Variants in GRID1 observed in about 807,000 individuals in gnomAD.
GRID1 encodes the protein glutamate receptor ionotropic, delta-1.
Under a neutral mutation model 98.0 loss-of-function variants are expected in GRID1, and 28 were observed. The ratio of observed to expected loss-of-function variants is 0.29; its 90% confidence interval spans 0.21 to 0.39. The LOEUF is 0.39. GRID1 is among the 10% of genes least tolerant of loss of function. GRID1 has a pLI of 1.00. For synonymous variants in GRID1, 553 were observed against 538.5 expected, an observed-to-expected ratio of 1.03 and a Z score of -0.37; for missense variants, 1,111 against 1,340.5, an observed-to-expected ratio of 0.83 and a Z score of 2.67.
intron 4 of GRID1, among the ~76,000 whole-genome samples, chr10:86,001,777 G>A (rs1392691769): frequency 2.0e-5 from 3 of 152,084 alleles, no homozygotes; most frequent in Non-Finnish European, 4.4e-5. Flanking sequence ...TGCTATGGCT[G>A]CTCTAACAAA....
chr10:85,734,865 A>AT (rs151169938), intron 8 of GRID1, among the ~76,000 whole-genome samples: 229 of 152,176 alleles, frequency 1.5e-3, no homozygotes, highest in African/African-American at 5.2e-3. Flanking sequence ...ATCCAGTGGA[A>AT]TTTTTTTTAT....
chr10:85,819,255 G>A (rs910059923), intron 8 of GRID1, among the ~76,000 whole-genome samples: 4 of 152,116 alleles, frequency 2.6e-5, no homozygotes, highest in Non-Finnish European at 5.9e-5. Context: ...AAATTAGTGG[G>A]AAAAAATTAA....
At chr10:85,840,970 C>A (rs563287747) in intron 8 of GRID1, among the ~76,000 whole-genome samples, 1 of 152,150 alleles carries the variant, frequency 6.6e-6, no homozygotes, top group Non-Finnish European at 1.5e-5. Flanking sequence ...AGATTCTTCA[C>A]AGAACTAGAA....
chr10:85,691,045 A>G (rs1462407658), intron 12 of GRID1, among the ~76,000 whole-genome samples: 2 of 152,236 alleles, frequency 1.3e-5, no homozygotes, highest in Non-Finnish European at 2.9e-5. Flanking sequence ...ATTAATTGAC[A>G]TAATCCACCA....
At chr10:85,887,321 T>C (rs889667276) in intron 5 of GRID1, among the ~76,000 whole-genome samples, 13 of 152,216 alleles carry the variant, frequency 8.5e-5, no homozygotes, top group African/African-American at 2.4e-4. Context: ...AAGGGGCATC[T>C]TCTGAGTAGT....
chr10:85,666,114 T>C (rs1314043758), intron 12 of GRID1, among the ~76,000 whole-genome samples: 1 of 152,236 alleles, frequency 6.6e-6, no homozygotes, highest in Non-Finnish European at 1.5e-5. Context: ...TCCTCTGATA[T>C]GGTCTGGAGG....
At chr10:85,750,213 T>G (rs1842033350) in intron 8 of GRID1, among the ~76,000 whole-genome samples, 1 of 152,128 alleles carries the variant, frequency 6.6e-6, no homozygotes, top group South Asian at 2.1e-4. Context: ...AGGGTGTAGA[T>G]CTGGAAGAAT....
At chr10:85,865,454 CT>C (rs1380965047) in intron 6 of GRID1, among the ~76,000 whole-genome samples, 1 of 152,146 alleles carries the variant, frequency 6.6e-6, no homozygotes, top group Non-Finnish European at 1.5e-5. Context: ...CAAAAATTCC[CT>C]GTTCTTCTTG....
intron 8 of GRID1, among the ~76,000 whole-genome samples, chr10:85,826,686 GCCA>G (rs1842823407): frequency 1.3e-5 from 2 of 152,138 alleles, no homozygotes; most frequent in South Asian, 4.1e-4. Context: ...GGATCCTGCT[GCCA>G]CCATTTAAAT....
At chr10:86,353,120 T>C (rs146856147) in intron 2 of GRID1, among the ~76,000 whole-genome samples, 2 of 152,266 alleles carry the variant, frequency 1.3e-5, no homozygotes, top group African/African-American at 4.8e-5. Flanking sequence ...GAGCTGAGGA[T>C]ACCACAGGGA....
At chr10:86,118,358 A>G (rs1844616295) in intron 4 of GRID1, among the ~76,000 whole-genome samples, 1 of 152,160 alleles carries the variant, frequency 6.6e-6, no homozygotes, top group Admixed American at 6.5e-5. Flanking sequence ...GGCAAGGAAT[A>G]AAAGACTATA....
At chr10:86,015,096 T>C (rs1283822260) in intron 4 of GRID1, among the ~76,000 whole-genome samples, 1 of 152,230 alleles carries the variant, frequency 6.6e-6, no homozygotes, top group African/African-American at 2.4e-5. Context: ...TGTGTGGCAC[T>C]TATCATAACA....
chr10:86,180,184 G>A lies in GRID1; in HGVS notation c.520+26180C>T, dbSNP rs115263079. ...AGCTAGCTTGTGAGCAGAAGGCTCC[G>A]GCTGGTGCACCAGAAGGACACTAGA... On this transcript the variant is annotated intron_variant, in intron 3 of 15. Coordinates refer to ENST00000327946, the MANE Select transcript of GRID1 (RefSeq NM_017551.3). Among the ~76,000 whole-genome samples, 723 of 152,242 alleles carry A rather than the reference G, an allele frequency of 4.7e-3. 10 individuals carry two copies. Among genetic ancestry groups the A allele is most frequent in the Middle Eastern group, 0.017 (5 of 292 alleles).
intron 15 of GRID1, among the ~76,000 whole-genome samples, chr10:85,609,309 T>C (rs1484363138): frequency 6.6e-6 from 1 of 152,198 alleles, no homozygotes; most frequent in African/African-American, 2.4e-5. Flanking sequence ...CCCATATTCC[T>C]CATTGCCTAG....
intron 4 of GRID1, among the ~76,000 whole-genome samples, chr10:86,077,836 C>G (rs1398151738): frequency 1.3e-5 from 2 of 152,240 alleles, no homozygotes; most frequent in Non-Finnish European, 2.9e-5. Context: ...GCCCCACACA[C>G]AGTCTGCATG....
chr10:86,068,643 C>A (rs192415174), intron 4 of GRID1, among the ~76,000 whole-genome samples: 1 of 152,186 alleles, frequency 6.6e-6, no homozygotes, highest in Non-Finnish European at 1.5e-5. Flanking sequence ...CTACTGCCAG[C>A]GACGGTGCCT....
chr10:86,217,648 T>C (rs1418349695), intron 2 of GRID1, among the ~76,000 whole-genome samples: 3 of 152,138 alleles, frequency 2.0e-5, no homozygotes, highest in Non-Finnish European at 2.9e-5. Context: ...GCCTGCGGGT[T>C]TGGTGCTCCT....
intron 4 of GRID1, among the ~76,000 whole-genome samples, chr10:85,941,339 A>G (rs947313244): frequency 6.6e-6 from 1 of 152,236 alleles, no homozygotes; most frequent in Non-Finnish European, 1.5e-5. Context: ...AAAGAAAAAA[A>G]TATAGGATGA....
chr10:86,189,513 GCA>G (rs149756654), intron 3 of GRID1, among the ~76,000 whole-genome samples: 3 of 148,832 alleles, frequency 2.0e-5, no homozygotes, highest in African/African-American at 5.0e-5. Context: ...ACACACACAC[GCA>G]CACACACACA....
Sources: gnomAD v4.1 joint callset for allele counts (sites outside exome capture counted in the v4.1 genomes callset) on GRCh38, gnomAD v4.1.1 for gene constraint, MANE v1.5 for transcripts, NCBI Gene and HGNC (gene_info 2026-07-23, HGNC 2026-07-21) for gene names.